Variants in ZNF800 observed in about 807,000 individuals in gnomAD.
ZNF800 encodes the protein zinc finger protein 800.
A neutral mutation model predicts 59.5 loss-of-function variants in ZNF800; 13 were observed. The observed-to-expected ratio is 0.22, with a 90% CI of 0.14 to 0.35. The LOEUF (loss-of-function observed/expected upper bound fraction) is 0.35. ZNF800 is among the 10% of genes least tolerant of loss of function. ZNF800 has a pLI of 1.00. For synonymous variants in ZNF800, 266 were observed against 265.7 expected (o/e 1.00, Z -0.01); for missense variants, 621 against 783.7 (o/e 0.79, Z 2.48).
At position 127,391,543 on chromosome 7, in the gene ZNF800, G is replaced by A. The variant is rs769074238; in HGVS notation, c.15C>T (p.Asp5=). MPLR[D]KYCQTDHHHH... ...GATGGTGGTCAGTCTGACAGTATTTGTCCCTTAAAGGCATTTTCAGTGGAC... is the reference window on the plus strand; with the variant it reads ...GATGGTGGTCAGTCTGACAGTATTTATCCCTTAAAGGCATTTTCAGTGGAC... The change falls in exon 2 of 6, where the codon GAC becomes GAT. Residue 5 remains aspartate (D), a synonymous_variant. Coordinates refer to ENST00000265827, the MANE Select transcript of ZNF800 (RefSeq NM_176814.5). 11 of 1,614,026 alleles carry A rather than the reference G, an allele frequency of 6.8e-6. No individual in the cohort carries two copies. In the African/African-American group the frequency reaches 1.2e-4, roughly 18 times the overall value.
chr7:127,366,004 T>A (rs760529072), downstream of ZNF800, among the ~76,000 whole-genome samples: 13 of 152,114 alleles, frequency 8.5e-5, no homozygotes, highest in Non-Finnish European at 1.3e-4. Flanking sequence ...TTTTATAAAT[T>A]CCCACAATAA....
At position 127,392,045 on chromosome 7, in the gene ZNF800, G is replaced by C. The variant is rs1801342437; in HGVS notation, c.-59+15C>G. The C allele has an allele frequency of 2.6e-6, 1 of 388,682 alleles. No individual in the cohort carries two copies. Among genetic ancestry groups the C allele is most frequent in the African/African-American group, 2.1e-5 (1 of 48,064 alleles). 24.1% of individuals were successfully genotyped at this position (388,682 alleles called of 1,614,324 possible). ...GCGGAGACCCCGTCCCCACAACCAA[G>C]TGCGCCCAACTTACTCAACTCTTAG... On this transcript the variant is annotated intron_variant, in intron 1 of 5. Coordinates refer to ENST00000265827, the MANE Select transcript of ZNF800 (RefSeq NM_176814.5).
chr7:127,365,471 G>C (rs899539190), downstream of ZNF800, among the ~76,000 whole-genome samples: 1 of 151,992 alleles, frequency 6.6e-6, no homozygotes, highest in African/African-American at 2.4e-5. Flanking sequence ...ACACTATGAG[G>C]CATTGGTGAT....
chr7:127,391,658 T>C (rs1365168883), intron 1 of ZNF800, 43 bp from the exon 2 acceptor site: 1 of 1,020,164 alleles, frequency 9.8e-7, no homozygotes, highest in Non-Finnish European at 1.5e-6. Flanking sequence ...CTGAACTTCC[T>C]GGGGGGCACT....
chr7:127,350,930 C>T (rs1312728524), intron 1 of ZNF800, among the ~76,000 whole-genome samples: 1 of 152,190 alleles, frequency 6.6e-6, no homozygotes, highest in Non-Finnish European at 1.5e-5. Flanking sequence ...AAGATGTTGA[C>T]AGTCTTTCCA....
intron 1 of ZNF800, among the ~76,000 whole-genome samples, chr7:127,352,950 A>AG: frequency 5.1e-5 from 3 of 58,774 alleles, no homozygotes; most frequent in African/African-American, 2.3e-4. Context: ...GGAAATGATG[A>AG]GAAAAGGAAC....
rs1801127353 is a variant in ZNF800 at position 127,385,920 on chromosome 7, A to T, written c.157+140T>A. The T allele has an allele frequency of 7.2e-6, 4 of 552,058 alleles. No homozygotes were observed. In the South Asian group the frequency reaches 9.8e-5, roughly 14 times the overall value. 34.2% of individuals were successfully genotyped at this position (552,058 alleles called of 1,614,324 possible). A position where few individuals can be genotyped will look rare whatever the true frequency, so the allele number is the denominator to read the frequency against. ...TCAGTATTTATACATCCACTTTTTTAAAATATGAAAATTTTAAATATTCTA... is the reference window on the plus strand; with the variant it reads ...TCAGTATTTATACATCCACTTTTTTTAAATATGAAAATTTTAAATATTCTA... On this transcript the variant is annotated intron_variant, in intron 3 of 5. Coordinates refer to ENST00000265827, the MANE Select transcript of ZNF800 (RefSeq NM_176814.5).
chr7:127,347,906 C>G (rs1587417675), exon 2 of ZNF800: 1 of 149,670 alleles, frequency 6.7e-6, no homozygotes, highest in East Asian at 2.0e-4. Context: ...CTGGAGCTCT[C>G]GGGCGGCGCC....
intron 5 of ZNF800, chr7:127,372,968 C>T: frequency 3.0e-6 from 3 of 985,112 alleles, no homozygotes; most frequent in Non-Finnish European, 3.6e-6. Context: ...AATTAGTAGA[C>T]TAAGTCACTG....
At position 127,386,665 on chromosome 7, in the gene ZNF800, G is replaced by C. The variant is rs12535410; in HGVS notation, c.62-510C>G. 1.8e-3 allele frequency among the ~76,000 whole-genome samples: 279 copies of C among 152,208 alleles called. 1 individual carries two copies. Among genetic ancestry groups the C allele is most frequent in the African/African-American group, 5.9e-3 (243 of 41,526 alleles). On this transcript the variant is annotated intron_variant, in intron 2 of 5. Transcript: ENST00000265827. ...CAAGTGCACAATGATGGATGCAGAA[G>C]AATGTTCACTGTAGTGCTCTGCAGC...
intron 3 of ZNF800, among the ~76,000 whole-genome samples, chr7:127,385,702 C>T (rs935322401): frequency 1.3e-5 from 2 of 152,064 alleles, no homozygotes; most frequent in African/African-American, 2.4e-5. Flanking sequence ...TGTACCAAAG[C>T]TCATGAAGAC....
chr7:127,356,314 A>C (rs1217399400), intron 1 of ZNF800, among the ~76,000 whole-genome samples: 1 of 151,820 alleles, frequency 6.6e-6, no homozygotes, highest in East Asian at 1.9e-4. Flanking sequence ...TATTGGTAGC[A>C]TACTGATAAA....
chr7:127,380,540 T>A (rs1800945642), intron 3 of ZNF800, among the ~76,000 whole-genome samples: 1 of 152,208 alleles, frequency 6.6e-6, no homozygotes, highest in African/African-American at 2.4e-5. Context: ...AAGATTTTTT[T>A]ATTTTTTCCC....
intron 1 of ZNF800, among the ~76,000 whole-genome samples, chr7:127,352,470 A>G (rs6957728): frequency 0.054 from 8,279 of 152,294 alleles, 299 homozygotes; most frequent in African/African-American, 0.1. Flanking sequence ...CATATTGAAC[A>G]ATATCTGGTC....
At chr7:127,372,910 C>T (rs532859168) in intron 5 of ZNF800, 9 of 984,502 alleles carry the variant, frequency 9.1e-6, no homozygotes, top group Admixed American at 6.1e-5. Context: ...CTATAGTTAT[C>T]GCCTTCACAA....
intron 3 of ZNF800, among the ~76,000 whole-genome samples, chr7:127,378,664 G>A (rs1800860499): frequency 2.0e-5 from 3 of 151,842 alleles, no homozygotes; most frequent in Admixed American, 2.0e-4. Flanking sequence ...TCTTTGAAGT[G>A]TATTTTATCA....
intron 1 of ZNF800, among the ~76,000 whole-genome samples, chr7:127,358,652 CCTAT>C (rs1366023083): frequency 2.0e-5 from 3 of 152,068 alleles, no homozygotes; most frequent in Admixed American, 6.6e-5. Context: ...ACTTTTTCTG[CCTAT>C]CTCTTTCAAA....
chr7:127,377,285 T>C lies in ZNF800; in HGVS notation c.202A>G (p.Ile68Val). ...KHILLKDVDT[I>V]FECKLCRSLF... is the part of the protein sequence containing the mutation. The stretch of plus-strand genomic sequence containing the variant: ...CTGCGGCATAACTTACATTCAAAAA[T>C]AGTGTCCACATCTTTTAATAAAATA... Residue 68 changes from isoleucine (I) to valine (V), a missense_variant, in exon 4 of 6, where the codon ATT becomes GTT. Physicochemically the swap from Ile to Val is conservative, Grantham distance 29. Transcript: ENST00000265827. This position sits in a 1 kb window ranked among gnomAD's most constrained non-coding sequence, Gnocchi z 4.7. 6.2e-7 allele frequency: 1 copy of C among 1,611,000 alleles called. No homozygotes were observed. Among genetic ancestry groups the C allele is most frequent in the Non-Finnish European group, 8.5e-7 (1 of 1,177,764 alleles).
chr7:127,379,583 C>T (rs1800893425), intron 3 of ZNF800, among the ~76,000 whole-genome samples: 1 of 152,038 alleles, frequency 6.6e-6, no homozygotes, highest in Non-Finnish European at 1.5e-5. Flanking sequence ...TGAGGTTATA[C>T]ATAAAAAATA....
Sources: gnomAD v4.1 joint callset for allele counts (sites outside exome capture counted in the v4.1 genomes callset) on GRCh38, gnomAD v4.1.1 for gene constraint, Gnocchi (gnomAD v3.1) non-coding constraint, MANE v1.5 for transcripts, NCBI Gene and HGNC (gene_info 2026-07-23, HGNC 2026-07-21) for gene names.